The following SDK2 variants were observed in gnomAD, a reference collection of about 807,000 sequenced individuals.
The protein encoded by SDK2 is protein sidekick-2.
Under a neutral mutation model 253.9 loss-of-function variants are expected in SDK2, and 105 were observed. The ratio of observed to expected loss-of-function variants is 0.41; its 90% CI spans 0.35 to 0.49. The LOEUF (loss-of-function observed/expected upper bound fraction) is 0.49. Among genes scored for constraint, SDK2 ranks in the 20% least tolerant of loss-of-function variants. The pLI, the probability that SDK2 is intolerant of heterozygous loss-of-function variation, is 0.06. For synonymous variants in SDK2, 1,249 were observed against 1,234.9 expected (o/e 1.01, Z -0.24); for missense variants, 2,608 against 3,003.0 (o/e 0.87, Z 3.07).
At chr17:73,499,463 ATC>A (rs1392876566) in intron 2 of SDK2, among the ~76,000 whole-genome samples, 1 of 152,198 alleles carries the variant, frequency 6.6e-6, no homozygotes, top group Non-Finnish European at 1.5e-5. Context: ...CCCTGCACAC[ATC>A]TGCTCTTCTC....
intron 18 of SDK2, among the ~76,000 whole-genome samples, chr17:73,409,711 T>G (rs1317585739): frequency 6.6e-6 from 1 of 152,130 alleles, no homozygotes; most frequent in African/African-American, 2.4e-5. Flanking sequence ...AAACACTGCT[T>G]TTTTCTCCTT....
At chr17:73,449,915 T>C (rs1037065233) in intron 4 of SDK2, among the ~76,000 whole-genome samples, 2 of 151,594 alleles carry the variant, frequency 1.3e-5, no homozygotes, top group Non-Finnish European at 2.9e-5. Flanking sequence ...AGAGCGAAAC[T>C]CCATCTCAAA....
At position 73,566,315 on chromosome 17, in the gene SDK2, A is replaced by ATGTGTGTG. The variant is rs1348465708; in HGVS notation, c.65-58719_65-58718insCACACACA. Among the ~76,000 whole-genome samples the ATGTGTGTG allele has an allele frequency of 1.6e-3, 179 of 111,806 alleles. 2 individuals carry two copies. The highest frequency in any genetic ancestry group is 7.3e-3 in the African/African-American group (175 of 23,980). The allele number at this position is 111,806 out of a possible 152,430, so 73.3% of individuals were successfully genotyped here. On this transcript the variant is annotated intron_variant, in intron 1 of 44. Coordinates refer to ENST00000392650, the MANE Select transcript of SDK2 (RefSeq NM_001144952.2). ...TATAAGCCAAATAAAATTCTTATAT[A>ATGTGTGTG]TATATGTGTGTGTGTGTGTGTGTGT...
intron 1 of SDK2, among the ~76,000 whole-genome samples, chr17:73,617,316 A>C (rs1274137469): frequency 7.1e-6 from 1 of 141,242 alleles, no homozygotes; most frequent in Non-Finnish European, 1.6e-5. Context: ...GGGAGGGGAG[A>C]GGCCTCCTGC....
rs577014536 is a variant in SDK2 at position 73,497,085 on chromosome 17, C to T, written c.224+10353G>A. ...CTAACTTTTGTATTTTTAGTAGAGA[C>T]GGGGGTTTCACCATATTGGCCAGGC... On this transcript the variant is annotated intron_variant, in intron 2 of 44. Coordinates refer to ENST00000392650, the MANE Select transcript of SDK2 (RefSeq NM_001144952.2). 5.3e-5 allele frequency among the ~76,000 whole-genome samples: 8 copies of T among 152,198 alleles called. No individual in the cohort carries two copies. In the East Asian group the frequency reaches 9.7e-4, roughly 18 times the overall value.
intron 1 of SDK2, among the ~76,000 whole-genome samples, chr17:73,577,184 C>A (rs1046372520): frequency 6.6e-6 from 1 of 152,138 alleles, no homozygotes; most frequent in Non-Finnish European, 1.5e-5. Flanking sequence ...GAGATGGACA[C>A]AGAAGAGTGA....
chr17:73,571,173 A>G (rs1432203938), intron 1 of SDK2, among the ~76,000 whole-genome samples: 1 of 151,650 alleles, frequency 6.6e-6, no homozygotes, highest in East Asian at 1.9e-4. Context: ...GGTTCAAGCG[A>G]TTCTCCAGCC....
chr17:73,542,914 A>C (rs2044892874), intron 1 of SDK2, among the ~76,000 whole-genome samples: 1 of 152,190 alleles, frequency 6.6e-6, no homozygotes, highest in Non-Finnish European at 1.5e-5. Flanking sequence ...GACATTCATA[A>C]GACACCCTCC....
At chr17:73,429,386 T>C (rs911856090) in intron 12 of SDK2, among the ~76,000 whole-genome samples, 6 of 152,260 alleles carry the variant, frequency 3.9e-5, no homozygotes. Flanking sequence ...TAGCGTCATG[T>C]GATGACTGCC....
rs540737815 is a variant in SDK2 at position 73,612,689 on chromosome 17, C to T, written c.64+31336G>A. ...ATCCCAGCATTTTGGGAAGCCCAGG[C>T]GGGCAGATCACAAGGTCAAGACTTT... is the stretch of plus-strand genomic sequence containing the variant. On this transcript the variant is annotated intron_variant, in intron 1 of 44. Coordinates refer to ENST00000392650, the MANE Select transcript of SDK2 (RefSeq NM_001144952.2). This position sits in a 1 kb window ranked among gnomAD's most constrained non-coding sequence, Gnocchi z 4.4. 5.7e-4 allele frequency among the ~76,000 whole-genome samples: 87 copies of T among 152,234 alleles called. No homozygotes were observed. The highest frequency in any genetic ancestry group is 1.9e-3 in the African/African-American group (81 of 41,542).
In SDK2 at chr17:73,385,895, G is replaced by T; in HGVS notation, c.4521C>A (p.Ile1507=). ...LQAAPDEAPT[I]LSVTPHTTTS... ...TGGTGGTGTGGGGCGTCACGGAGAG[G>T]ATGGTGGGTGCTTCATCGGGGGCTG... Residue 1507 remains isoleucine (I), a synonymous_variant, in exon 32 of 45, where the codon ATC becomes ATA. Transcript: ENST00000392650. 1 of 1,608,344 alleles carries T rather than the reference G, an allele frequency of 6.2e-7. No individual in the cohort carries two copies. Among genetic ancestry groups the T allele is most frequent in the South Asian group, 1.1e-5 (1 of 89,260 alleles).
At position 73,603,600 on chromosome 17, in the gene SDK2, A is replaced by C. The variant is rs1303182179; in HGVS notation, c.64+40425T>G. ...CTCCCACTCTCAACTCAGAATCTAT[A>C]AACATGGCAGCAGCCACTTACGCTT... is the stretch of plus-strand genomic sequence containing the variant. On this transcript the variant is annotated intron_variant, in intron 1 of 44. Coordinates refer to ENST00000392650, the MANE Select transcript of SDK2 (RefSeq NM_001144952.2). 2.0e-5 allele frequency among the ~76,000 whole-genome samples: 3 copies of C among 152,332 alleles called. No individual in the cohort carries two copies. In the East Asian group the frequency reaches 5.8e-4, roughly 29 times the overall value.
intron 1 of SDK2, among the ~76,000 whole-genome samples, chr17:73,610,840 C>CGTGT (rs143396100): frequency 4.0e-5 from 6 of 148,780 alleles, no homozygotes; most frequent in South Asian, 2.1e-4. Context: ...TGTGCGTGTG[C>CGTGT]GTGTGTGTGT....
intron 37 of SDK2, among the ~76,000 whole-genome samples, chr17:73,365,919 G>A (rs2062680821): frequency 6.6e-6 from 1 of 152,078 alleles, no homozygotes; most frequent in Non-Finnish European, 1.5e-5. Context: ...GCAGTCAGGG[G>A]GAGCCACGCC....
chr17:73,501,883 A>C (rs2063893660), intron 2 of SDK2, among the ~76,000 whole-genome samples: 1 of 152,252 alleles, frequency 6.6e-6, no homozygotes, highest in Non-Finnish European at 1.5e-5. Context: ...GATTCCAAGA[A>C]GTGAAAACAA....
intron 17 of SDK2, 28 bp from the exon 18 acceptor site, chr17:73,414,787 G>A (rs1383953111): frequency 7.0e-7 from 1 of 1,426,612 alleles, no homozygotes; most frequent in Non-Finnish European, 9.9e-7. Flanking sequence ...ACGGGGTGGG[G>A]TGGAGGGGGC....
At chr17:73,592,088 G>A (rs965284525) in intron 1 of SDK2, among the ~76,000 whole-genome samples, 4 of 152,186 alleles carry the variant, frequency 2.6e-5, no homozygotes, top group African/African-American at 7.2e-5. Context: ...CCAGGCTTCC[G>A]GACTTCATCT....
At chr17:73,410,713 T>G (rs1271209391) in intron 18 of SDK2, among the ~76,000 whole-genome samples, 1 of 152,196 alleles carries the variant, frequency 6.6e-6, no homozygotes, top group Non-Finnish European at 1.5e-5. Flanking sequence ...AAGGGCCCTG[T>G]AAGTGTGAGG....
chr17:73,375,221 C>G (rs2062767527), intron 36 of SDK2, among the ~76,000 whole-genome samples: 1 of 139,014 alleles, frequency 7.2e-6, no homozygotes, highest in Non-Finnish European at 1.5e-5. Context: ...TAAGTCCTTT[C>G]CTAACAACCT....
Sources: gnomAD v4.1 joint callset for allele counts (sites outside exome capture counted in the v4.1 genomes callset) on GRCh38, gnomAD v4.1.1 for gene constraint, Gnocchi (gnomAD v3.1) non-coding constraint, MANE v1.5 for transcripts, NCBI Gene and HGNC (gene_info 2026-07-23, HGNC 2026-07-21) for gene names.